The following PFKFB3 variants were observed in gnomAD, a reference collection of about 807,000 sequenced individuals.
PFKFB3 encodes the protein 6-phosphofructo-2-kinase/fructose-2,6-bisphosphatase 3.
A neutral mutation model predicts 68.0 loss-of-function variants in PFKFB3; 33 were observed. That is an observed-to-expected ratio of 0.49 (90% CI 0.37 to 0.65). The LOEUF (loss-of-function observed/expected upper bound fraction) is 0.65. PFKFB3 is among the 30% of genes least tolerant of loss of function. The pLI is 0.00. For synonymous variants in PFKFB3, 315 were observed against 288.2 expected, an observed-to-expected ratio of 1.09 and a Z score of -0.94; for missense variants, 586 against 712.2, an observed-to-expected ratio of 0.82 and a Z score of 2.02.
At chr10:6,269,626 T>A in the PFKFB3 span, among the ~76,000 whole-genome samples, 1 of 151,820 alleles carries the variant, frequency 6.6e-6, no homozygotes, top group Non-Finnish European at 1.5e-5. Flanking sequence ...TGACTTAGGG[T>A]GGAGAAATGG....
intron 1 of PFKFB3, among the ~76,000 whole-genome samples, chr10:6,163,324 C>T (rs2131719223): frequency 6.6e-6 from 1 of 152,334 alleles, no homozygotes; most frequent in African/African-American, 2.4e-5. Context: ...CTCTATTGTT[C>T]TCAATCACTG....
the PFKFB3 span, among the ~76,000 whole-genome samples, chr10:6,285,422 G>A: frequency 6.6e-6 from 1 of 151,876 alleles, no homozygotes; most frequent in South Asian, 2.1e-4. Flanking sequence ...TAGTAGAGAC[G>A]GGGTTTTACC....
chr10:6,170,104 G>A (rs990849702), intron 1 of PFKFB3, among the ~76,000 whole-genome samples: 3 of 152,110 alleles, frequency 2.0e-5, no homozygotes, highest in African/African-American at 7.2e-5. Flanking sequence ...GGCCCACCCC[G>A]TGGTTCTTTA....
chr10:6,269,619 C>T, the PFKFB3 span, among the ~76,000 whole-genome samples: 1 of 151,984 alleles, frequency 6.6e-6, no homozygotes, highest in Admixed American at 6.6e-5. Flanking sequence ...GTGGAAGTGA[C>T]TTAGGGTGGA....
the PFKFB3 span, among the ~76,000 whole-genome samples, chr10:6,303,010 A>T: frequency 6.6e-6 from 1 of 152,204 alleles, no homozygotes; most frequent in African/African-American, 2.4e-5. Context: ...AGCAGAGATG[A>T]GAACTCAGGC....
At chr10:6,246,168 G>A (rs965099760) in intron 14 of PFKFB3, among the ~76,000 whole-genome samples, 1 of 152,186 alleles carries the variant, frequency 6.6e-6, no homozygotes, top group African/African-American at 2.4e-5. Flanking sequence ...AATTTGCCAT[G>A]TGACTTGCAC....
chr10:6,192,982 C>T (rs1843074716), intron 1 of PFKFB3, among the ~76,000 whole-genome samples: 1 of 152,112 alleles, frequency 6.6e-6, no homozygotes, highest in African/African-American at 2.4e-5. Context: ...GCTGTCTGTC[C>T]ACCTCAGAGC....
intron 1 of PFKFB3, among the ~76,000 whole-genome samples, chr10:6,212,802 A>C (rs1844315528): frequency 6.6e-6 from 1 of 152,086 alleles, no homozygotes; most frequent in Non-Finnish European, 1.5e-5. Flanking sequence ...GCCTGGCTGT[A>C]AACTCCTACT....
chr10:6,224,144 T>C lies in PFKFB3; in HGVS notation c.1277-5T>C, dbSNP rs1171305016. 6.2e-7 allele frequency: 1 copy of C among 1,614,174 alleles called. No individual in the cohort carries two copies. The highest frequency in any genetic ancestry group is 8.5e-7 in the Non-Finnish European group (1 of 1,180,006). On this transcript the variant is annotated splice_polypyrimidine_tract_variant and splice_region_variant and intron_variant, in intron 12 of 14. Transcript: ENST00000379775. ...CTTCCTCTGCCCCCATCCCACGCCC[T>C]CCAGGCTGCCGTGTGGAATCCATCT...
intron 1 of PFKFB3, among the ~76,000 whole-genome samples, chr10:6,205,503 G>A (rs2131875122): frequency 6.9e-6 from 1 of 144,424 alleles, no homozygotes; most frequent in South Asian, 2.2e-4. Flanking sequence ...AGCGATTCTC[G>A]TGCCTCAGTC....
the PFKFB3 span, among the ~76,000 whole-genome samples, chr10:6,296,729 T>G: frequency 0.56 from 84,561 of 152,020 alleles, 24,440 homozygotes; most frequent in Non-Finnish European, 0.65. Context: ...GCTAATGCAT[T>G]ATAATTAGCA....
At chr10:6,165,587 A>T (rs1468303689) in intron 1 of PFKFB3, among the ~76,000 whole-genome samples, 1 of 152,150 alleles carries the variant, frequency 6.6e-6, no homozygotes, top group Non-Finnish European at 1.5e-5. Flanking sequence ...TCTTTGCAGG[A>T]GCCAGATGTT....
chr10:6,215,375 A>ATAAGGCTGGGCTGCAGGAG lies in PFKFB3; in HGVS notation c.299+70_299+88dup. The ATAAGGCTGGGCTGCAGGAG allele has an allele frequency of 1.5e-6, 2 of 1,329,918 alleles. No homozygotes were observed. Among genetic ancestry groups the ATAAGGCTGGGCTGCAGGAG allele is most frequent in the Non-Finnish European group, 2.1e-6 (2 of 932,508 alleles). The allele number at this position is 1,329,918 out of a possible 1,614,324, so 82.4% of individuals were successfully genotyped here. A position where few individuals can be genotyped will look rare whatever the true frequency, so the allele number is the denominator to read the frequency against. Reference sequence around the variant, plus strand: ...GTGGGAATAAGGCTGGGCCGCGGGCATAAGGCTGGGCTGCAGGAGTAAGGC... The same window carrying ATAAGGCTGGGCTGCAGGAG: ...GTGGGAATAAGGCTGGGCCGCGGGCATAAGGCTGGGCTGCAGGAGTAAGGCTGGGCTGCAGGAGTAAGGC... On this transcript the variant is annotated intron_variant, in intron 3 of 14. Transcript: ENST00000379775. The surrounding 1 kb of genome is among the most constrained non-coding windows in gnomAD (Gnocchi z 4.3).
chr10:6,292,494 C>T, the PFKFB3 span, among the ~76,000 whole-genome samples: 1 of 151,264 alleles, frequency 6.6e-6, no homozygotes, highest in East Asian at 2.0e-4. Flanking sequence ...ACCATCTCTA[C>T]TAGCCAGGAT....
intron 1 of PFKFB3, among the ~76,000 whole-genome samples, chr10:6,155,110 A>G (rs1025148504): frequency 2.0e-5 from 3 of 152,158 alleles, no homozygotes; most frequent in Non-Finnish European, 4.4e-5. Flanking sequence ...GCTTACTGCC[A>G]CTGGCAAAGA....
At chr10:6,265,460 A>C in the PFKFB3 span, among the ~76,000 whole-genome samples, 73,403 of 151,918 alleles carry the variant, frequency 0.48, 19,572 homozygotes, top group Non-Finnish European at 0.63. Flanking sequence ...TATTTTATCA[A>C]ATGTTTCTCA....
intron 1 of PFKFB3, among the ~76,000 whole-genome samples, chr10:6,158,243 T>C (rs141912314): frequency 0.011 from 1,640 of 151,890 alleles, 67 homozygotes; most frequent in East Asian, 0.099. Context: ...GAGCCGAGAT[T>C]GCGCCACTGC....
chr10:6,163,675 G>A (rs755208721), intron 1 of PFKFB3, among the ~76,000 whole-genome samples: 149 of 152,160 alleles, frequency 9.8e-4, no homozygotes, highest in Non-Finnish European at 1.8e-3. Flanking sequence ...GCAGCTGCGG[G>A]CCCGACGGGG....
At chr10:6,307,673 T>C in the PFKFB3 span, among the ~76,000 whole-genome samples, 1 of 151,592 alleles carries the variant, frequency 6.6e-6, no homozygotes, top group African/African-American at 2.4e-5. Flanking sequence ...ATTGTCCCGA[T>C]TGAGAATCTG....
Sources: gnomAD v4.1 joint callset for allele counts (sites outside exome capture counted in the v4.1 genomes callset) on GRCh38, gnomAD v4.1.1 for gene constraint, Gnocchi (gnomAD v3.1) non-coding constraint, MANE v1.5 for transcripts, NCBI Gene and HGNC (gene_info 2026-07-23, HGNC 2026-07-21) for gene names.